Variants in MAST2 observed in about 807,000 individuals in gnomAD.
MAST2 encodes microtubule-associated serine/threonine-protein kinase 2.
A neutral mutation model predicts 147.4 loss-of-function variants in MAST2; 70 were observed. The observed-to-expected ratio is 0.47, with a 90% confidence interval of 0.39 to 0.58. MAST2 has a LOEUF of 0.58. MAST2 is among the 20% of genes least tolerant of loss of function. The pLI is 0.00. For missense variants in MAST2, 2,080 were observed against 2,302.3 expected (o/e 0.90, Z 1.98); for synonymous variants, 869 against 896.8 (o/e 0.97, Z 0.55).
intron 1 of MAST2, among the ~76,000 whole-genome samples, chr1:45,810,242 A>G (rs1004483692): frequency 2.6e-5 from 4 of 152,236 alleles, no homozygotes; most frequent in African/African-American, 9.6e-5. Flanking sequence ...AGGATGGCAG[A>G]AGATGAGTTC....
rs1646879573 is a variant in MAST2, at chr1:46,035,754, G to A, written c.5085G>A (p.Lys1695=). The A allele has an allele frequency of 1.2e-6, 2 of 1,614,096 alleles. No homozygotes were observed. Residue 1695 remains lysine, a synonymous_variant, in exon 29 of 29, where the codon AAG becomes AAA. Coordinates refer to ENST00000361297, the MANE Select transcript of MAST2 (RefSeq NM_015112.3). This position sits in a 1 kb window ranked among gnomAD's most constrained non-coding sequence, Gnocchi z 5.5. ...DLENTTPAQP[K]NLSPREQGKT... is the part of the protein sequence containing the mutation. Reference sequence around the variant, plus strand: ...AAAACACAACTCCAGCCCAGCCTAAGAACCTGTCTCCCAGGGAGCAGGGGA... The same window carrying A: ...AAAACACAACTCCAGCCCAGCCTAAAAACCTGTCTCCCAGGGAGCAGGGGA...
intron 4 of MAST2, among the ~76,000 whole-genome samples, chr1:45,883,184 C>T (rs796168369): frequency 2.0e-5 from 3 of 152,256 alleles, no homozygotes; most frequent in African/African-American, 7.2e-5. Flanking sequence ...GGCTTTTAAA[C>T]TTTTCCTTAA....
At chr1:45,935,682 A>G (rs181381111) in intron 4 of MAST2, among the ~76,000 whole-genome samples, 41 of 152,286 alleles carry the variant, frequency 2.7e-4, no homozygotes, top group African/African-American at 9.9e-4. Context: ...CACTTTGTCA[A>G]AGATCAGAAG....
intron 4 of MAST2, among the ~76,000 whole-genome samples, chr1:45,942,778 A>C (rs1657491063): frequency 6.6e-6 from 1 of 152,226 alleles, no homozygotes; most frequent in African/African-American, 2.4e-5. Context: ...AGTGATTAAG[A>C]ATCTTCCTGG....
At chr1:45,829,156 T>C (rs1445439407) in intron 2 of MAST2, among the ~76,000 whole-genome samples, 1 of 152,162 alleles carries the variant, frequency 6.6e-6, no homozygotes, top group Non-Finnish European at 1.5e-5. Context: ...ACTCCTAGAC[T>C]GCTAGTTTGG....
chr1:45,948,706 CAAAAAAAAAAAAA>C (rs34012353), intron 4 of MAST2, among the ~76,000 whole-genome samples: 4 of 40,242 alleles, frequency 9.9e-5, no homozygotes, highest in Admixed American at 4.8e-4. Flanking sequence ...GACTCCATCT[CAAAAAAAAAAAAA>C]AAAAAAAAAA....
At position 46,034,533 on chromosome 1, in the gene MAST2, CA is replaced by C; in HGVS notation, c.3869-2del. 1 of 1,611,120 alleles carries C rather than the reference CA, an allele frequency of 6.2e-7. No individual in the cohort carries two copies. The highest frequency in any genetic ancestry group is 8.5e-7 in the Non-Finnish European group (1 of 1,178,538). On this transcript the variant is annotated splice_region_variant and splice_polypyrimidine_tract_variant and intron_variant, in intron 28 of 28. Transcript: ENST00000361297. ...GTCTGTCTGTCTGTCTGTCTCTGTACAAAGTGGGAGGGAATTCATCACAGAG... is the reference window on the plus strand; with the variant it reads ...GTCTGTCTGTCTGTCTGTCTCTGTACAAGTGGGAGGGAATTCATCACAGAG...
intron 3 of MAST2, among the ~76,000 whole-genome samples, chr1:45,877,843 T>G (rs1222214287): frequency 6.6e-6 from 1 of 152,148 alleles, no homozygotes; most frequent in Non-Finnish European, 1.5e-5. Flanking sequence ...TTATTATCCC[T>G]TATGAAAATA....
Position 46,006,244 on chromosome 1 carries a change from T to C in MAST2, c.751T>C (p.Ser251Pro), listed in dbSNP as rs1645481315. Reference protein sequence around the residue: ...TNTPSSTVSSSCSSQEKLHQL... With the variant: ...TNTPSSTVSSPCSSQEKLHQL... ...TTCTTAATGTTTTCCCCTCTAGTCA[T>C]CATGCTCCTCACAGGAAAAGCTGCA... is the stretch of plus-strand genomic sequence containing the variant. The change falls in exon 8 of 29, where the codon TCA (serine) becomes CCA (proline). Residue 251 changes from serine (S) to proline (P), a missense_variant. By Grantham distance (74) the Ser-to-Pro change is moderately conservative. Coordinates refer to ENST00000361297, the MANE Select transcript of MAST2 (RefSeq NM_015112.3). The C allele has an allele frequency of 6.2e-7, 1 of 1,612,558 alleles. No homozygotes were observed.
intron 5 of MAST2, among the ~76,000 whole-genome samples, chr1:45,989,041 C>T (rs181234220): frequency 6.6e-6 from 1 of 152,000 alleles, no homozygotes; most frequent in Non-Finnish European, 1.5e-5. Context: ...TTTTCTAGTC[C>T]CTCTTAGCTG....
intron 4 of MAST2, among the ~76,000 whole-genome samples, chr1:45,902,925 C>T (rs1650024206): frequency 6.6e-6 from 1 of 151,816 alleles, no homozygotes; most frequent in Admixed American, 6.6e-5. Context: ...TTTGAAATAA[C>T]CCACTTTTTG....
rs138438813 is a variant in MAST2 at position 46,021,238 on chromosome 1, T to A, written c.1291-712T>A. On this transcript the variant is annotated intron_variant, in intron 11 of 28. Transcript: ENST00000361297. ...TGAGAACAGAGTTCAGGGCAGAGGC[T>A]ATGCTGTGATAGAGCAGAGAGCCTC... is the stretch of plus-strand genomic sequence containing the variant. Among the ~76,000 whole-genome samples the A allele has an allele frequency of 2.0e-5, 3 of 152,328 alleles. No homozygotes were observed. The East Asian group carries it at 5.8e-4, about 29-fold the overall frequency.
chr1:45,871,992 G>A (rs1646411649), intron 3 of MAST2, among the ~76,000 whole-genome samples: 1 of 152,176 alleles, frequency 6.6e-6, no homozygotes, highest in Admixed American at 6.5e-5. Context: ...GCCTCCCAAA[G>A]TGTTGGGATT....
At chr1:45,983,632 C>G (rs1011242711) in intron 5 of MAST2, among the ~76,000 whole-genome samples, 1 of 152,108 alleles carries the variant, frequency 6.6e-6, no homozygotes, top group African/African-American at 2.4e-5. Context: ...GCTGGGACTA[C>G]AGGTGTGCAC....
chr1:45,968,482 G>GTT (rs35946730), intron 5 of MAST2, among the ~76,000 whole-genome samples: 1 of 144,168 alleles, frequency 6.9e-6, no homozygotes. Flanking sequence ...TTTTTTTGTT[G>GTT]TTTTTTTTTT....
intron 4 of MAST2, among the ~76,000 whole-genome samples, chr1:45,948,671 C>A (rs950349541): frequency 7.8e-6 from 1 of 127,408 alleles, no homozygotes; most frequent in African/African-American, 3.1e-5. Context: ...CATGCCACTC[C>A]ATTCCAGCCT....
intron 3 of MAST2, among the ~76,000 whole-genome samples, chr1:45,836,905 T>A (rs544346059): frequency 6.6e-6 from 1 of 152,264 alleles, no homozygotes; most frequent in African/African-American, 2.4e-5. Context: ...GGAGGGGGGA[T>A]GGGAGGTGGT....
Position 46,035,541 on chromosome 1 carries a change from C to T in MAST2, c.4872C>T (p.Thr1624=), listed in dbSNP as rs1646868819. The T allele has an allele frequency of 6.2e-7, 1 of 1,613,474 alleles. No homozygotes were observed. Among genetic ancestry groups the T allele is most frequent in the African/African-American group, 1.3e-5 (1 of 75,004 alleles). ...EGCWKAQHLH[T]QALTALSPST... The stretch of plus-strand genomic sequence containing the variant: ...GCTGGAAGGCCCAGCACCTCCACAC[C>T]CAGGCACTAACAGCACTTTCTCCCA... The change falls in exon 29 of 29, where the codon ACC becomes ACT. Residue 1624 remains threonine (T), a synonymous_variant. Coordinates refer to ENST00000361297, the MANE Select transcript of MAST2 (RefSeq NM_015112.3). This position sits in a 1 kb window ranked among gnomAD's most constrained non-coding sequence, Gnocchi z 5.5.
At chr1:45,884,911 A>G (rs1647017133) in intron 4 of MAST2, among the ~76,000 whole-genome samples, 1 of 152,188 alleles carries the variant, frequency 6.6e-6, no homozygotes, top group East Asian at 1.9e-4. Context: ...CATCTCCCCA[A>G]ACAGTTAAAG....
Sources: allele counts gnomAD v4.1 joint callset (sites outside exome capture counted in the v4.1 genomes callset), GRCh38; gene constraint gnomAD v4.1.1; non-coding constraint Gnocchi (gnomAD v3.1); transcripts MANE v1.5; gene names NCBI Gene and HGNC (gene_info 2026-07-23, HGNC 2026-07-21).